Variants in HECTD4 observed in about 807,000 individuals in gnomAD.
HECTD4 encodes the protein HECT domain E3 ubiquitin protein ligase 4.
Under a neutral mutation model 471.5 loss-of-function variants are expected in HECTD4, and 114 were observed. The observed-to-expected ratio is 0.24, with a 90% CI of 0.21 to 0.28. The LOEUF (loss-of-function observed/expected upper bound fraction) is 0.28. Ranked by LOEUF, HECTD4 falls within the 10% of genes least tolerant of loss-of-function variation. The probability of loss-of-function intolerance (pLI) is 1.00; values close to 1 mark genes in which losing one functional copy is unlikely to be tolerated. For missense variants in HECTD4, 3,866 were observed against 5,651.5 expected (o/e 0.68, Z 10.13); for synonymous variants, 2,012 against 2,256.0 (o/e 0.89, Z 3.07).
chr12:112,225,067 A>T (rs2033197515), intron 44 of HECTD4, among the ~76,000 whole-genome samples: 1 of 152,186 alleles, frequency 6.6e-6, no homozygotes, highest in Non-Finnish European at 1.5e-5. Flanking sequence ...CTTGTTCTCT[A>T]TTCTTAGCAT....
In HECTD4 at chr12:112,235,805, G is replaced by A; in HGVS notation, c.5445-21C>T. 6.3e-7 allele frequency: 1 copy of A among 1,592,858 alleles called. No individual in the cohort carries two copies. The highest frequency in any genetic ancestry group is 8.6e-7 in the Non-Finnish European group (1 of 1,169,440). ...GGCTCCTGGGAAAAAAGGAAGAAAA[G>A]GTACACAGTGCTAGAAATGTTGATC... On this transcript the variant is annotated intron_variant, in intron 35 of 75. Transcript: ENST00000682272. This position sits in a 1 kb window ranked among gnomAD's most constrained non-coding sequence, Gnocchi z 5.0.
chr12:112,218,472 G>C (rs2032995701), intron 45 of HECTD4, among the ~76,000 whole-genome samples: 1 of 152,050 alleles, frequency 6.6e-6, no homozygotes, highest in African/African-American at 2.4e-5. Flanking sequence ...GGATTTACCT[G>C]CACTAGACAT....
In HECTD4 at chr12:112,216,738, GCTCT is replaced by G. The variant is rs752265869; in HGVS notation, c.7385+31_7385+34del. On this transcript the variant is annotated intron_variant, in intron 47 of 75. Transcript: ENST00000682272. The stretch of plus-strand genomic sequence containing the variant: ...TATACACACCTTGTGGGAGGCTACT[GCTCT>G]CTGTCACACTGAGCTACTTCTTTTA... 3.2e-5 allele frequency: 51 copies of G among 1,605,618 alleles called. No homozygotes were observed. In the South Asian group the frequency reaches 4.5e-4, roughly 14 times the overall value.
At chr12:112,294,583 C>G (rs1231697801) in intron 7 of HECTD4, among the ~76,000 whole-genome samples, 1 of 152,156 alleles carries the variant, frequency 6.6e-6, no homozygotes, top group Non-Finnish European at 1.5e-5. Flanking sequence ...GTTTTCACAT[C>G]AAACCCCTGG....
At chr12:112,308,010 T>G (rs2035298924) in intron 6 of HECTD4, among the ~76,000 whole-genome samples, 1 of 152,244 alleles carries the variant, frequency 6.6e-6, no homozygotes, top group African/African-American at 2.4e-5. Context: ...TTTCCTTATC[T>G]GTAAGATAAA....
At chr12:112,164,588 C>T (rs762645048) in intron 72 of HECTD4, among the ~76,000 whole-genome samples, 28 of 151,762 alleles carry the variant, frequency 1.8e-4, no homozygotes, top group Non-Finnish European at 3.4e-4. Flanking sequence ...TCTGCCCGTG[C>T]GCTGGGAGAG....
intron 7 of HECTD4, among the ~76,000 whole-genome samples, chr12:112,291,023 T>A (rs2034873519): frequency 1.3e-5 from 2 of 152,164 alleles, no homozygotes; most frequent in South Asian, 4.1e-4. Context: ...ACATTAATTA[T>A]CTTTCACCTG....
chr12:112,313,735 C>T (rs1353643720), intron 3 of HECTD4, among the ~76,000 whole-genome samples: 7 of 151,832 alleles, frequency 4.6e-5, no homozygotes, highest in East Asian at 3.9e-4. Flanking sequence ...GTGATCCTCC[C>T]GCCTTGGCCT....
At chr12:112,359,182 CA>C (rs879580703) in intron 1 of HECTD4, among the ~76,000 whole-genome samples, 222 of 125,154 alleles carry the variant, frequency 1.8e-3, no homozygotes, top group Admixed American at 2.1e-3. Context: ...GACTCCGTCT[CA>C]AAAAAAAAAA....
chr12:112,277,532 A>G (rs896558507), intron 9 of HECTD4, among the ~76,000 whole-genome samples: 1 of 152,204 alleles, frequency 6.6e-6, no homozygotes, highest in African/African-American at 2.4e-5. Flanking sequence ...CCACGTAGTG[A>G]TCCCATGGCT....
intron 1 of HECTD4, among the ~76,000 whole-genome samples, chr12:112,327,171 G>A (rs2035761319): frequency 6.6e-6 from 1 of 152,088 alleles, no homozygotes; most frequent in African/African-American, 2.4e-5. Context: ...ACAAAAATTA[G>A]CCGGGTGTGG....
intron 7 of HECTD4, among the ~76,000 whole-genome samples, chr12:112,284,884 G>A (rs1210655552): frequency 6.6e-6 from 1 of 152,082 alleles, no homozygotes; most frequent in Non-Finnish European, 1.5e-5. Context: ...AGGCTACAGT[G>A]TAGTGGTGTG....
chr12:112,192,803 T>C, intron 58 of HECTD4, 38 bp from the exon 59 acceptor site: 1 of 1,500,896 alleles, frequency 6.7e-7, no homozygotes, highest in Non-Finnish European at 9.0e-7. Context: ...ATACAGGGTC[T>C]AGCCATGCAC....
rs1365316132 is a variant in HECTD4, at chr12:112,161,288, C to G, written c.*1099G>C. On this transcript the variant is annotated 3_prime_UTR_variant, in exon 76 of 76. Transcript: ENST00000682272. Reference sequence around the variant, plus strand: ...GGGTGAGCCTGGAGGCAGCTCAGCCCTGGCATACACACTTACATGGGGTGA... The same window carrying G: ...GGGTGAGCCTGGAGGCAGCTCAGCCGTGGCATACACACTTACATGGGGTGA... 6.6e-6 allele frequency: 1 copy of G among 152,186 alleles called. No individual in the cohort carries two copies. 9.4% of individuals were successfully genotyped at this position (152,186 alleles called of 1,614,324 possible). A position where few individuals can be genotyped will look rare whatever the true frequency, so the allele number is the denominator to read the frequency against.
intron 64 of HECTD4, 47 bp downstream of exon 64, chr12:112,178,884 C>A (rs371049703): frequency 2.0e-5 from 32 of 1,563,056 alleles, no homozygotes; most frequent in Admixed American, 1.8e-4. Context: ...AGGCCTCCCC[C>A]ACATCTGCCC....
chr12:112,369,344 T>C (rs941724458), intron 1 of HECTD4, among the ~76,000 whole-genome samples: 6 of 149,356 alleles, frequency 4.0e-5, no homozygotes, highest in South Asian at 4.3e-4. Flanking sequence ...GGATTTCTTT[T>C]TTTTTTTTTT....
At chr12:112,360,927 T>C (rs2036436618) in intron 1 of HECTD4, among the ~76,000 whole-genome samples, 1 of 148,412 alleles carries the variant, frequency 6.7e-6, no homozygotes, top group Non-Finnish European at 1.5e-5. Context: ...CAGGTTGCAG[T>C]GAGCTGAGAT....
chr12:112,367,897 A>G (rs2036598265), intron 1 of HECTD4, among the ~76,000 whole-genome samples: 2 of 149,968 alleles, frequency 1.3e-5, no homozygotes, highest in Middle Eastern at 6.9e-3. Context: ...ACTCTGCCCC[A>G]TAAATAGCTA....
intron 2 of HECTD4, among the ~76,000 whole-genome samples, chr12:112,315,331 A>G (rs1276709063): frequency 6.6e-6 from 1 of 152,232 alleles, no homozygotes; most frequent in Non-Finnish European, 1.5e-5. Flanking sequence ...TGGGTATCAT[A>G]TGCCTAAACG....
Sources: allele counts gnomAD v4.1 joint callset (sites outside exome capture counted in the v4.1 genomes callset), GRCh38; gene constraint gnomAD v4.1.1; non-coding constraint Gnocchi (gnomAD v3.1); transcripts MANE v1.5; gene names NCBI Gene and HGNC (gene_info 2026-07-23, HGNC 2026-07-21).